MCC: variants seen among roughly 807,000 people sequenced by gnomAD.
MCC encodes MCC regulator of Wnt signaling pathway.
Under a neutral mutation model 116.2 loss-of-function variants are expected in MCC, and 90 were observed. That is an observed-to-expected ratio of 0.77 (90% CI 0.65 to 0.92). MCC has a LOEUF of 0.92. Among genes scored for constraint, MCC ranks in the 40% least tolerant of loss-of-function variants. The pLI, the probability that MCC is intolerant of heterozygous loss-of-function variation, is 0.00. For missense variants in MCC, 1,516 were observed against 1,312.2 expected (o/e 1.16, Z -2.40); for synonymous variants, 578 against 510.5 (o/e 1.13, Z -1.78).
At chr5:113,275,083 G>C (rs1765772807) in intron 3 of MCC, among the ~76,000 whole-genome samples, 1 of 152,082 alleles carries the variant, frequency 6.6e-6, no homozygotes. Context: ...AAAAACCTAA[G>C]ACCATCCTAG....
chr5:113,164,976 A>G (rs1304263908), intron 3 of MCC, among the ~76,000 whole-genome samples: 1 of 152,350 alleles, frequency 6.6e-6, no homozygotes, highest in Middle Eastern at 3.4e-3. Context: ...GTAGCCAAAA[A>G]GGCGCTGTTC....
At chr5:113,450,444 G>C (rs1203031602) in intron 1 of MCC, among the ~76,000 whole-genome samples, 1 of 152,132 alleles carries the variant, frequency 6.6e-6, no homozygotes, top group African/African-American at 2.4e-5. Context: ...AGCTGCCTTT[G>C]ACTGATGTGA....
At chr5:113,377,665 C>A (rs1769019293) in intron 2 of MCC, among the ~76,000 whole-genome samples, 1 of 152,102 alleles carries the variant, frequency 6.6e-6, no homozygotes, top group Admixed American at 6.5e-5. Flanking sequence ...TCCTCAAGGA[C>A]AGGAAGGACA....
chr5:113,049,144 C>T lies in MCC; in HGVS notation c.2604G>A (p.Arg868=). Residue 868 remains arginine (R), a synonymous_variant, in exon 16 of 19, where the codon CGG becomes CGA. Transcript: ENST00000408903. ...TGCTGGTGGAGCTGAGGGATCGCAT[C>T]CGCTGCTCCTTCTGCTCCTCCACCT... ...KSEVEEQKEQ[R]MRSLSSTSSG... 3 of 1,614,222 alleles carry T rather than the reference C, an allele frequency of 1.9e-6. No individual in the cohort carries two copies. Among genetic ancestry groups the T allele is most frequent in the Non-Finnish European group, 2.5e-6 (3 of 1,180,038 alleles).
chr5:113,148,488 T>C (rs540182948), intron 4 of MCC, among the ~76,000 whole-genome samples: 2 of 152,342 alleles, frequency 1.3e-5, no homozygotes, highest in East Asian at 3.9e-4. Context: ...CTGTTGAACA[T>C]AACCACCATT....
intron 3 of MCC, among the ~76,000 whole-genome samples, chr5:113,171,080 A>T (rs1761048636): frequency 6.6e-6 from 1 of 152,012 alleles, no homozygotes; most frequent in Non-Finnish European, 1.5e-5. Context: ...TCTGCCCTCC[A>T]CACAAAAATT....
chr5:113,230,246 T>C (rs976745090), intron 3 of MCC, among the ~76,000 whole-genome samples: 4 of 152,230 alleles, frequency 2.6e-5, no homozygotes, highest in African/African-American at 9.6e-5. Context: ...TAAAAATATC[T>C]TCATTAAGAA....
At chr5:113,252,935 G>A (rs913823273) in intron 3 of MCC, among the ~76,000 whole-genome samples, 8 of 152,224 alleles carry the variant, frequency 5.3e-5, no homozygotes, top group African/African-American at 9.6e-5. Context: ...GGGAACTGGC[G>A]AACATGGAGA....
intron 3 of MCC, among the ~76,000 whole-genome samples, chr5:113,233,521 C>T (rs1476438064): frequency 6.6e-6 from 1 of 152,138 alleles, no homozygotes; most frequent in Non-Finnish European, 1.5e-5. Context: ...ATCTTAAGCC[C>T]TCATTCCAAG....
intron 1 of MCC, among the ~76,000 whole-genome samples, chr5:113,465,011 T>C (rs1195197373): frequency 1.3e-5 from 2 of 152,096 alleles, no homozygotes; most frequent in Admixed American, 1.3e-4. Context: ...TACATCAATT[T>C]AGAAACGTAT....
intron 3 of MCC, among the ~76,000 whole-genome samples, chr5:113,209,016 T>C (rs1272674029): frequency 1.3e-5 from 2 of 152,128 alleles, no homozygotes; most frequent in South Asian, 2.1e-4. Context: ...CCTAAAACAC[T>C]TCAAAAAGGA....
chr5:113,185,234 G>T (rs78794065), intron 3 of MCC, among the ~76,000 whole-genome samples: 1 of 152,268 alleles, frequency 6.6e-6, no homozygotes, highest in East Asian at 1.9e-4. Context: ...CAGAGGGGTT[G>T]AGAGGGTGAG....
At chr5:113,137,194 G>A (rs1251583058) in intron 5 of MCC, among the ~76,000 whole-genome samples, 1 of 152,144 alleles carries the variant, frequency 6.6e-6, no homozygotes, top group Non-Finnish European at 1.5e-5. Flanking sequence ...AGGATAGAGT[G>A]TAAGCATGTG....
At position 113,027,012 on chromosome 5, in the gene MCC, A is replaced by AGAGT. The variant is rs1750596034; in HGVS notation, c.*286_*289dup. The AGAGT allele has an allele frequency of 2.8e-6, 1 of 354,476 alleles. No homozygotes were observed. The highest frequency in any genetic ancestry group is 2.1e-5 in the African/African-American group (1 of 47,736). The allele number at this position is 354,476 out of a possible 1,614,324, so 22.0% of individuals were successfully genotyped here. On this transcript the variant is annotated 3_prime_UTR_variant, in exon 19 of 19. Transcript: ENST00000408903. ...GCCGCCAGACCAGAAGAGGAGGGGG[A>AGAGT]GAGTGAGTGCTGAAAGCAGAAACGA...
At chr5:113,419,562 C>T (rs1041004967) in intron 1 of MCC, among the ~76,000 whole-genome samples, 5 of 151,864 alleles carry the variant, frequency 3.3e-5, no homozygotes, top group Non-Finnish European at 7.4e-5. Context: ...ATATTAAAAA[C>T]CACTGAATTG....
At chr5:113,035,134 C>T (rs1331081900) in intron 17 of MCC, among the ~76,000 whole-genome samples, 1 of 152,230 alleles carries the variant, frequency 6.6e-6, no homozygotes, top group Non-Finnish European at 1.5e-5. Flanking sequence ...TGACCTCCAA[C>T]AGCCACTCTC....
intron 3 of MCC, among the ~76,000 whole-genome samples, chr5:113,256,917 G>C (rs553447033): frequency 1.4e-4 from 22 of 152,302 alleles, no homozygotes; most frequent in African/African-American, 5.3e-4. Flanking sequence ...CTGAGGGCCA[G>C]ATTAAAACTC....
intron 10 of MCC, among the ~76,000 whole-genome samples, chr5:113,083,810 C>A (rs1755024018): frequency 6.6e-6 from 1 of 152,152 alleles, no homozygotes; most frequent in Non-Finnish European, 1.5e-5. Context: ...AAGACAGATA[C>A]TTCAAGACTT....
chr5:113,314,284 G>A (rs1767220663), intron 3 of MCC, among the ~76,000 whole-genome samples: 1 of 152,158 alleles, frequency 6.6e-6, no homozygotes, highest in Non-Finnish European at 1.5e-5. Flanking sequence ...AGACAAATAA[G>A]AGCTCATTTT....
Sources: allele counts gnomAD v4.1 joint callset (sites outside exome capture counted in the v4.1 genomes callset), GRCh38; gene constraint gnomAD v4.1.1; transcripts MANE v1.5; gene names NCBI Gene and HGNC (gene_info 2026-07-23, HGNC 2026-07-21).